CDK12: variants seen among roughly 807,000 people sequenced by gnomAD.
CDK12 encodes the protein cyclin-dependent kinase 12.
Under a neutral mutation model 133.8 loss-of-function variants are expected in CDK12, and 17 were observed. That is an observed-to-expected ratio of 0.13 (90% CI 0.09 to 0.19). The LOEUF (loss-of-function observed/expected upper bound fraction) is 0.19, where lower values mean the gene tolerates loss of function less well. Among genes scored for constraint, CDK12 ranks in the 10% least tolerant of loss-of-function variants. The pLI, the probability that CDK12 is intolerant of heterozygous loss-of-function variation, is 1.00. For synonymous variants in CDK12, 694 were observed against 683.6 expected (o/e 1.02, Z -0.24); for missense variants, 1,508 against 1,818.7 (o/e 0.83, Z 3.11).
chr17:39,530,962 C>T lies in CDK12; in HGVS notation c.4119C>T (p.Asn1373=). The T allele has an allele frequency of 6.2e-7, 1 of 1,614,194 alleles. No homozygotes were observed. The highest frequency in any genetic ancestry group is 8.5e-7 in the Non-Finnish European group (1 of 1,180,028). Residue 1373 remains asparagine, a synonymous_variant, in exon 14 of 14, where the codon AAC becomes AAT. Coordinates refer to ENST00000447079, the MANE Select transcript of CDK12 (RefSeq NM_016507.4). ...CCTTGGTCCAGACCCTGGTGAAGAA[C>T]AGGACCTTCTCAGGCTCTCTGAGCC... ...TESLVQTLVK[N]RTFSGSLSHL...
intron 3 of CDK12, among the ~76,000 whole-genome samples, chr17:39,558,958 A>G (rs990427790): frequency 3.3e-5 from 5 of 152,170 alleles, no homozygotes; most frequent in Non-Finnish European, 7.4e-5. Flanking sequence ...TGCATTTTAA[A>G]TAGTTAATTC....
intron 5 of CDK12, among the ~76,000 whole-genome samples, chr17:39,497,911 AT>A (rs1475739922): frequency 1.3e-5 from 2 of 151,906 alleles, no homozygotes; most frequent in Non-Finnish European, 2.9e-5. Context: ...AGCGAATGTC[AT>A]TTTGGATTAT....
At chr17:39,498,827 A>G (rs1318846311) in intron 5 of CDK12, among the ~76,000 whole-genome samples, 1 of 151,362 alleles carries the variant, frequency 6.6e-6, no homozygotes, top group Admixed American at 6.6e-5. Flanking sequence ...ACACAGCCCT[A>G]AATTTGTTGA....
chr17:39,525,777 A>G (rs1235694642), intron 12 of CDK12, 87 bp from the exon 13 acceptor site: 3 of 929,306 alleles, frequency 3.2e-6, no homozygotes, highest in Non-Finnish European at 5.0e-6. Flanking sequence ...TTTTTTGGAT[A>G]TTGTAAGTTG....
At position 39,532,676 on chromosome 17, in the gene CDK12, C is replaced by T. The variant is rs1193541504; in HGVS notation, c.*1360C>T. 2 of 232,576 alleles carry T rather than the reference C, an allele frequency of 8.6e-6. No homozygotes were observed. The highest frequency in any genetic ancestry group is 4.4e-5 in the African/African-American group (2 of 45,258). 14.4% of individuals were successfully genotyped at this position (232,576 alleles called of 1,614,324 possible). On this transcript the variant is annotated 3_prime_UTR_variant, in exon 14 of 14. Coordinates refer to ENST00000447079, the MANE Select transcript of CDK12 (RefSeq NM_016507.4). ...CCACATCCCAGCATGTGTACCCTGCCAGTTCTTTTAGGGATTTTTCCTCCA... is the reference window on the plus strand; with the variant it reads ...CCACATCCCAGCATGTGTACCCTGCTAGTTCTTTTAGGGATTTTTCCTCCA...
At chr17:39,495,814 G>A (rs1567731121) in intron 5 of CDK12, among the ~76,000 whole-genome samples, 1 of 151,266 alleles carries the variant, frequency 6.6e-6, no homozygotes, top group Admixed American at 6.6e-5. Context: ...AAAAAAAGAT[G>A]GTAGTAATTT....
downstream of CDK12, among the ~76,000 whole-genome samples, chr17:39,538,299 T>G (rs1160134562): frequency 6.6e-6 from 1 of 152,232 alleles, no homozygotes; most frequent in African/African-American, 2.4e-5. Flanking sequence ...ACTAGTAGTA[T>G]TCCTCTGCCA....
chr17:39,465,742 C>T (rs60620590), intron 1 of CDK12, among the ~76,000 whole-genome samples: 29 of 152,152 alleles, frequency 1.9e-4, no homozygotes, highest in Non-Finnish European at 2.6e-4. Context: ...CCGCCAGCCT[C>T]GGCCTCCTAA....
intron 6 of CDK12, among the ~76,000 whole-genome samples, chr17:39,508,671 A>AC (rs2053286802): frequency 6.6e-6 from 1 of 152,056 alleles, no homozygotes; most frequent in South Asian, 2.1e-4. Flanking sequence ...TTAAAAAAAA[A>AC]AATTCCTTTA....
intron 11 of CDK12, among the ~76,000 whole-genome samples, chr17:39,521,750 C>T (rs2054184846): frequency 6.6e-6 from 1 of 151,978 alleles, no homozygotes; most frequent in South Asian, 2.1e-4. Context: ...TTAGTAGAGA[C>T]AGGGTTTCAC....
chr17:39,464,473 C>A (rs565448211), intron 1 of CDK12, among the ~76,000 whole-genome samples: 1 of 150,280 alleles, frequency 6.7e-6, no homozygotes, highest in Non-Finnish European at 1.5e-5. Flanking sequence ...TGAGCTCAAG[C>A]AATCCTCCTG....
intron 2 of CDK12, 125 bp from the exon 3 acceptor site, chr17:39,490,432 C>A: frequency 1.7e-6 from 1 of 588,704 alleles, no homozygotes. Context: ...TGTTATAGTA[C>A]AGGTTTTTTT....
At chr17:39,522,275 CAG>C (rs1019257364) in intron 11 of CDK12, among the ~76,000 whole-genome samples, 38 of 151,782 alleles carry the variant, frequency 2.5e-4, no homozygotes, top group African/African-American at 8.7e-4. Context: ...TTAGTAGAAA[CAG>C]AGTTTCACCA....
At chr17:39,494,392 G>A (rs928391975) in intron 4 of CDK12, 132 bp from the exon 5 acceptor site, 1 of 720,624 alleles carries the variant, frequency 1.4e-6, no homozygotes, top group African/African-American at 1.8e-5. Context: ...CTTTTTAAAG[G>A]TGTATAAGTA....
intron 2 of CDK12, among the ~76,000 whole-genome samples, chr17:39,479,743 C>T (rs542665415): frequency 6.6e-6 from 1 of 151,802 alleles, no homozygotes; most frequent in African/African-American, 2.4e-5. Flanking sequence ...TCTCCTGCCT[C>T]AGCCTCCCAA....
intron 2 of CDK12, among the ~76,000 whole-genome samples, chr17:39,478,574 C>T (rs751461829): frequency 2.0e-5 from 3 of 152,136 alleles, no homozygotes; most frequent in Non-Finnish European, 4.4e-5. Context: ...GGTGCTGTGG[C>T]TCACTCCTAT....
intron 1 of CDK12, among the ~76,000 whole-genome samples, chr17:39,467,046 T>G (rs898086835): frequency 6.6e-5 from 10 of 152,128 alleles, no homozygotes; most frequent in Non-Finnish European, 1.5e-4. Flanking sequence ...TGGTGCGATC[T>G]CAGCTCACTG....
chr17:39,541,818 C>T (rs988174736), intron 1 of CDK12, among the ~76,000 whole-genome samples: 1 of 152,142 alleles, frequency 6.6e-6, no homozygotes, highest in Admixed American at 6.6e-5. Flanking sequence ...TGGAATGACA[C>T]GTCTTCTCCC....
rs774190421 is a variant in CDK12, at chr17:39,463,062, C to T, written c.991C>T (p.Arg331Trp). ...ATCGCCCAGTCCCTATGGTCGAAGGCGGTCCAGCAGCCCTTTCCTGAGCAA... is the reference window on the plus strand; with the variant it reads ...ATCGCCCAGTCCCTATGGTCGAAGGTGGTCCAGCAGCCCTTTCCTGAGCAA... ...GRSPSPYGRR[R>W]SSSPFLSKRS... Residue 331 changes from arginine to tryptophan, a missense_variant, in exon 1 of 14, where the codon CGG becomes TGG. Arg to Trp is a moderately radical substitution (Grantham distance 101, BLOSUM62 -3). Transcript: ENST00000447079. 1.2e-6 allele frequency: 2 copies of T among 1,614,196 alleles called. No individual in the cohort carries two copies. The highest frequency in any genetic ancestry group is 1.7e-6 in the Non-Finnish European group (2 of 1,180,030).
Sources: gnomAD v4.1 joint callset for allele counts (sites outside exome capture counted in the v4.1 genomes callset) on GRCh38, gnomAD v4.1.1 for gene constraint, MANE v1.5 for transcripts, NCBI Gene and HGNC (gene_info 2026-07-23, HGNC 2026-07-21) for gene names.